Variants in BTBD7 observed in about 807,000 individuals in gnomAD.
BTBD7 encodes the protein BTB/POZ domain-containing protein 7.
A neutral mutation model predicts 99.9 loss-of-function variants in BTBD7; 38 were observed. The observed-to-expected ratio is 0.38, with a 90% CI of 0.29 to 0.50. The LOEUF (loss-of-function observed/expected upper bound fraction) is 0.50. Among genes scored for constraint, BTBD7 ranks in the 20% least tolerant of loss-of-function variants. BTBD7 has a pLI of 0.93. For missense variants in BTBD7, 1,170 were observed against 1,394.6 expected, an observed-to-expected ratio of 0.84 and a Z score of 2.57; for synonymous variants, 520 against 511.4, an observed-to-expected ratio of 1.02 and a Z score of -0.23.
intron 3 of BTBD7, chr14:93,288,237 T>C: frequency 2.3e-6 from 1 of 434,720 alleles, no homozygotes. Flanking sequence ...AGATACTGTC[T>C]TCTCTTCACT....
chr14:93,283,618 C>T (rs980959829), intron 3 of BTBD7, among the ~76,000 whole-genome samples: 2 of 152,218 alleles, frequency 1.3e-5, no homozygotes, highest in Admixed American at 6.5e-5. Flanking sequence ...GTAGCAGGAT[C>T]TCAGCTCACT....
intron 3 of BTBD7, among the ~76,000 whole-genome samples, chr14:93,283,971 T>A (rs1001159841): frequency 1.2e-4 from 19 of 152,320 alleles, no homozygotes; most frequent in African/African-American, 4.6e-4. Flanking sequence ...ACAGGACAAG[T>A]AAGAAATAAA....
At chr14:93,250,760 C>T (rs1014887483) in intron 8 of BTBD7, among the ~76,000 whole-genome samples, 4 of 152,150 alleles carry the variant, frequency 2.6e-5, no homozygotes, top group Non-Finnish European at 1.5e-5. Flanking sequence ...ATATCCTGAT[C>T]GATAGCCAAT....
intron 1 of BTBD7, among the ~76,000 whole-genome samples, chr14:93,304,492 C>T (rs2139790891): frequency 6.6e-6 from 1 of 152,288 alleles, no homozygotes; most frequent in Admixed American, 6.5e-5. Flanking sequence ...GCTGGGATTA[C>T]AGGCGTGCAT....
intron 10 of BTBD7, chr14:93,244,065 A>T: frequency 2.2e-6 from 1 of 445,906 alleles, no homozygotes; most frequent in Admixed American, 2.4e-5. Flanking sequence ...GCACACACCA[A>T]TCCCACAAAG....
intron 1 of BTBD7, among the ~76,000 whole-genome samples, chr14:93,307,295 G>A (rs957408718): frequency 3.3e-5 from 5 of 152,166 alleles, no homozygotes; most frequent in African/African-American, 1.2e-4. Context: ...TAGAGCAGGC[G>A]TGTGCCACCA....
rs1000690261 is a variant in BTBD7, at chr14:93,295,972, A to G, written c.80T>C (p.Ile27Thr). 6.2e-7 allele frequency: 1 copy of G among 1,613,998 alleles called. No individual in the cohort carries two copies. Residue 27 changes from isoleucine (I) to threonine (T), a missense_variant and splice_region_variant, in exon 2 of 11, where the codon ATA becomes ACA. Ile to Thr is a moderately conservative substitution (Grantham distance 89). Coordinates refer to ENST00000334746, the MANE Select transcript of BTBD7 (RefSeq NM_001002860.4). ...AAGTTAGAAAAACTGAAAGTTACCT[A>G]TAAAAGTCTGTTGGGCCTGTGAATT... ...GGNSQAQQTF[I>T]GTSSYSQQGY...
intron 1 of BTBD7, among the ~76,000 whole-genome samples, chr14:93,321,364 G>A (rs545790864): frequency 7.9e-5 from 12 of 152,292 alleles, no homozygotes; most frequent in South Asian, 2.1e-4. Flanking sequence ...AGGCCTAGGC[G>A]GGTGGATCGC....
At position 93,253,698 on chromosome 14, in the gene BTBD7, A is replaced by G; in HGVS notation, c.1701T>C (p.Ala567=). 6.2e-7 allele frequency: 1 copy of G among 1,613,534 alleles called. No homozygotes were observed. Among genetic ancestry groups the G allele is most frequent in the Non-Finnish European group, 8.5e-7 (1 of 1,179,580 alleles). ...KSNAWLRQKN[A]GIYVRPRLFS... Reference sequence around the variant, plus strand: ...AGAGTCGAGGACGAACATAGATGCCAGCATTTTTTTGCCGTAACCAGGCAT... The same window carrying G: ...AGAGTCGAGGACGAACATAGATGCCGGCATTTTTTTGCCGTAACCAGGCAT... Residue 567 remains alanine (A), a synonymous_variant, in exon 7 of 11, where the codon GCT becomes GCC. Transcript: ENST00000334746.
At chr14:93,273,305 C>A (rs955145774) in intron 3 of BTBD7, among the ~76,000 whole-genome samples, 1 of 152,172 alleles carries the variant, frequency 6.6e-6, no homozygotes, top group Non-Finnish European at 1.5e-5. Context: ...GCTGGATTAA[C>A]AACTTTAGAG....
intron 1 of BTBD7, among the ~76,000 whole-genome samples, chr14:93,299,779 A>C (rs1475732520): frequency 2.0e-5 from 3 of 152,150 alleles, no homozygotes; most frequent in East Asian, 1.9e-4. Flanking sequence ...CCCCAGCCCC[A>C]AAAAGAAAGC....
At chr14:93,319,939 C>G (rs1394546548) in intron 1 of BTBD7, among the ~76,000 whole-genome samples, 1 of 152,070 alleles carries the variant, frequency 6.6e-6, no homozygotes, top group Non-Finnish European at 1.5e-5. Flanking sequence ...AAAGATGATG[C>G]CATTGTCCAA....
chr14:93,330,617 A>C (rs2053391284), intron 1 of BTBD7, among the ~76,000 whole-genome samples: 1 of 152,146 alleles, frequency 6.6e-6, no homozygotes, highest in Admixed American at 6.5e-5. Flanking sequence ...AATGGCAAAA[A>C]CTGCAGTTAC....
intron 3 of BTBD7, among the ~76,000 whole-genome samples, chr14:93,278,821 A>T (rs970562616): frequency 6.6e-6 from 1 of 152,152 alleles, no homozygotes; most frequent in South Asian, 2.1e-4. Context: ...TTGGCCACGC[A>T]TAGTGGCTCA....
intron 3 of BTBD7, among the ~76,000 whole-genome samples, chr14:93,278,864 G>C (rs2052686514): frequency 6.6e-6 from 1 of 152,046 alleles, no homozygotes; most frequent in Non-Finnish European, 1.5e-5. Context: ...GTGAATTTTT[G>C]GTACCCCATT....
intron 1 of BTBD7, among the ~76,000 whole-genome samples, chr14:93,320,371 C>T (rs1035430344): frequency 3.3e-5 from 5 of 152,104 alleles, no homozygotes; most frequent in Admixed American, 6.5e-5. Flanking sequence ...AGGTAGAAGC[C>T]AAGGATGCTG....
chr14:93,288,771 G>A (rs2139755936), intron 3 of BTBD7: 1 of 1,584,522 alleles, frequency 6.3e-7, no homozygotes, highest in Non-Finnish European at 8.5e-7. Context: ...TAATTTCACT[G>A]TGGAAACCCA....
chr14:93,276,264 G>A (rs1404206998), intron 3 of BTBD7, among the ~76,000 whole-genome samples: 1 of 152,160 alleles, frequency 6.6e-6, no homozygotes, highest in Admixed American at 6.6e-5. Context: ...TGCCAGTCAG[G>A]CATTACTAAT....
At chr14:93,253,616 T>A (rs781688739) in intron 7 of BTBD7, 31 bp downstream of exon 7, 8 of 1,587,946 alleles carry the variant, frequency 5.0e-6, no homozygotes. Flanking sequence ...TGTAATAAAG[T>A]AGTCTACTAT....
Sources: gnomAD v4.1 joint callset for allele counts (sites outside exome capture counted in the v4.1 genomes callset) on GRCh38, gnomAD v4.1.1 for gene constraint, MANE v1.5 for transcripts, NCBI Gene and HGNC (gene_info 2026-07-23, HGNC 2026-07-21) for gene names.